Variants in KLC2 observed in about 807,000 individuals in gnomAD.
The protein encoded by KLC2 is KLC 2.
In KLC2, 35 loss-of-function variants were observed where a neutral mutation model predicts 75.1. The observed-to-expected ratio is 0.47, with a 90% CI of 0.36 to 0.62. The LOEUF (loss-of-function observed/expected upper bound fraction) is 0.62. KLC2 is among the 20% of genes least tolerant of loss of function. The pLI is 0.00. For synonymous variants in KLC2, 314 were observed against 336.7 expected (o/e 0.93, Z 0.74); for missense variants, 611 against 833.2 (o/e 0.73, Z 3.28).
rs1856187524 is a variant in KLC2 at position 66,258,768 on chromosome 11, C to T, written c.174C>T (p.Cys58=). The change falls in exon 2 of 16, where the codon TGC becomes TGT. Residue 58 remains cysteine, a synonymous_variant. Transcript: ENST00000394067. Reference sequence around the variant, plus strand: ...CCGAGCCTGGCTCGCAGGAGCGCTGCATCCTCCTGCGTCGCTCCCTGGAAG... The same window carrying T: ...CCGAGCCTGGCTCGCAGGAGCGCTGTATCCTCCTGCGTCGCTCCCTGGAAG... ...GEAEPGSQER[C]ILLRRSLEAI... 1 of 1,613,510 alleles carries T rather than the reference C, an allele frequency of 6.2e-7. No homozygotes were observed. Among genetic ancestry groups the T allele is most frequent in the African/African-American group, 1.3e-5 (1 of 75,066 alleles).
upstream of KLC2, among the ~76,000 whole-genome samples, chr11:66,252,552 C>T (rs866372927): frequency 1.3e-5 from 2 of 152,162 alleles, no homozygotes; most frequent in Non-Finnish European, 2.9e-5. Context: ...CGTGAGCCAC[C>T]GTGCCCAGCC....
the KLC2 span, chr11:66,244,621 G>C: frequency 6.6e-6 from 1 of 152,442 alleles, no homozygotes; most frequent in Non-Finnish European, 1.5e-5. Flanking sequence ...CTCTCCTCCA[G>C]CCCTTCCCAG....
Position 66,265,900 on chromosome 11 carries a change from A to G in KLC2, c.1490A>G (p.Asp497Gly). Residue 497 changes from aspartate to glycine, a missense_variant, in exon 13 of 16, where the codon GAT becomes GGT. Coordinates refer to ENST00000394067, the MANE Select transcript of KLC2 (RefSeq NM_001318734.2). ...SQTKVVELLK[D>G]GSGRRGDRRS... ...ACCAAGGTGGTAGAACTGCTGAAAGATGGCAGTGGCAGGCGGGGAGACCGC... is the reference window on the plus strand; with the variant it reads ...ACCAAGGTGGTAGAACTGCTGAAAGGTGGCAGTGGCAGGCGGGGAGACCGC... 6.3e-7 allele frequency: 1 copy of G among 1,581,700 alleles called. No individual in the cohort carries two copies. The highest frequency in any genetic ancestry group is 8.6e-7 in the Non-Finnish European group (1 of 1,161,040).
chr11:66,262,598 T>A (rs1390043404), intron 4 of KLC2: 1 of 588,072 alleles, frequency 1.7e-6, no homozygotes, highest in Non-Finnish European at 3.0e-6. Context: ...TTAGGCAGCT[T>A]GCCCCAGGAC....
At chr11:66,252,714 G>A (rs1271282892), upstream of KLC2, among the ~76,000 whole-genome samples, 1 of 152,212 alleles carries the variant, frequency 6.6e-6, no homozygotes, top group Non-Finnish European at 1.5e-5. Context: ...GAACTTAGCT[G>A]AGTCTGACCC....
intron 2 of KLC2, 127 bp downstream of exon 2, chr11:66,258,949 C>T: frequency 1.5e-6 from 1 of 656,134 alleles, no homozygotes; most frequent in Non-Finnish European, 2.6e-6. Flanking sequence ...ATGTTAGGAC[C>T]CCAGTAAATA....
At chr11:66,245,507 G>C in the KLC2 span, among the ~76,000 whole-genome samples, 1 of 152,168 alleles carries the variant, frequency 6.6e-6, no homozygotes, top group Non-Finnish European at 1.5e-5. Context: ...CATGAGGTCA[G>C]GAGATTAAGA....
chr11:66,244,478 A>AC, the KLC2 span: 2 of 151,658 alleles, frequency 1.3e-5, no homozygotes, highest in Non-Finnish European at 2.9e-5. Context: ...AGCCCTCTGC[A>AC]CCCCCCAGCC....
rs542962418 is a variant in KLC2, at chr11:66,262,684, G to A, written c.530-130G>A. The A allele has an allele frequency of 7.2e-5, 49 of 681,638 alleles. 1 individual carries two copies. In the South Asian group the frequency reaches 7.8e-4, roughly 11 times the overall value. 42.2% of individuals were successfully genotyped at this position (681,638 alleles called of 1,614,324 possible). A position where few individuals can be genotyped will look rare whatever the true frequency, so the allele number is the denominator to read the frequency against. ...TAACTAGACCCATTCTATAAATGGG[G>A]AAACTGAGAAAGAGTGGTTAGTGAC... On this transcript the variant is annotated intron_variant, in intron 4 of 15. Coordinates refer to ENST00000394067, the MANE Select transcript of KLC2 (RefSeq NM_001318734.2).
Position 66,267,748 on chromosome 11 carries a change from C to G in KLC2, c.*792C>G. 1 of 458,538 alleles carries G rather than the reference C, an allele frequency of 2.2e-6. No homozygotes were observed. Among genetic ancestry groups the G allele is most frequent in the East Asian group, 3.4e-5 (1 of 29,082 alleles). The allele number at this position is 458,538 out of a possible 1,614,324, so 28.4% of individuals were successfully genotyped here. On this transcript the variant is annotated 3_prime_UTR_variant, in exon 16 of 16. Coordinates refer to ENST00000394067, the MANE Select transcript of KLC2 (RefSeq NM_001318734.2). ...CTCCCCCCACGCCTGCAGCTTCTCG[C>G]GAGGGGCGGCGACGGTCCCCTGGTG...
intron 4 of KLC2, chr11:66,262,440 T>C: frequency 1.8e-6 from 1 of 570,286 alleles, no homozygotes; most frequent in Non-Finnish European, 3.1e-6. Flanking sequence ...CTAGCTTCCC[T>C]GACCCTTGGG....
In KLC2 at chr11:66,262,861, G is replaced by T; in HGVS notation, c.577G>T (p.Glu193Ter). The stretch of plus-strand genomic sequence containing the variant: ...TGTGTCTGGTCAGCATGGGGGCTAC[G>T]AGATCCCGGCCCGGCTCCGCACCCT... ...GDVSGQHGGY[E>*]IPARLRTLHN... The change falls in exon 5 of 16, where the codon GAG (glutamate) becomes TAG (stop). Residue 193 changes from glutamate (E) to a stop codon, truncating the protein, a stop_gained. Coordinates refer to ENST00000394067, the MANE Select transcript of KLC2 (RefSeq NM_001318734.2). LOFTEE classifies it high-confidence loss of function. 6.2e-7 allele frequency: 1 copy of T among 1,613,624 alleles called. No homozygotes were observed.
chr11:66,247,138 C>A, the KLC2 span, among the ~76,000 whole-genome samples: 1 of 152,186 alleles, frequency 6.6e-6, no homozygotes, highest in Admixed American at 6.5e-5. Flanking sequence ...TTCTCTTGTA[C>A]CCACCATCTA....
rs1489600233 is a variant in KLC2 at position 66,267,765 on chromosome 11, C to T, written c.*809C>T. ...GCTTCTCGCGAGGGGCGGCGACGGT[C>T]CCCTGGTGGCAGGAGGGGCTCCCCC... On this transcript the variant is annotated 3_prime_UTR_variant, in exon 16 of 16. Coordinates refer to ENST00000394067, the MANE Select transcript of KLC2 (RefSeq NM_001318734.2). The T allele has an allele frequency of 2.2e-5, 10 of 459,678 alleles. No individual in the cohort carries two copies. Among genetic ancestry groups the T allele is most frequent in the Non-Finnish European group, 1.1e-5 (3 of 262,398 alleles). 28.5% of individuals were successfully genotyped at this position (459,678 alleles called of 1,614,324 possible). A position where few individuals can be genotyped will look rare whatever the true frequency, so the allele number is the denominator to read the frequency against.
intron 4 of KLC2, 37 bp downstream of exon 4, chr11:66,262,229 G>C: frequency 6.4e-7 from 1 of 1,562,800 alleles, no homozygotes. Context: ...GGAAGGAAAG[G>C]TTGTGTGAAC....
intron 15 of KLC2, 139 bp from the exon 16 acceptor site, chr11:66,266,734 T>G (rs1355576057): frequency 1.1e-6 from 1 of 922,178 alleles, no homozygotes; most frequent in African/African-American, 1.6e-5. Flanking sequence ...CACCAGGGTG[T>G]GGCCTTGGGT....
the KLC2 span, chr11:66,244,872 A>G: frequency 1.3e-5 from 2 of 152,212 alleles, no homozygotes; most frequent in Admixed American, 1.3e-4. Context: ...CCATGTTCTC[A>G]ATCATGGAAA....
At chr11:66,245,846 C>T in the KLC2 span, among the ~76,000 whole-genome samples, 1 of 152,186 alleles carries the variant, frequency 6.6e-6, no homozygotes, top group African/African-American at 2.4e-5. Flanking sequence ...CGTGCCACCG[C>T]ACTCCAGCCT....
chr11:66,248,484 G>T, the KLC2 span, among the ~76,000 whole-genome samples: 1 of 152,200 alleles, frequency 6.6e-6, no homozygotes, highest in South Asian at 2.1e-4. Context: ...GCCAGGCGTG[G>T]TGGGCACCTG....
Sources: allele counts gnomAD v4.1 joint callset (sites outside exome capture counted in the v4.1 genomes callset), GRCh38; gene constraint gnomAD v4.1.1; transcripts MANE v1.5; gene names NCBI Gene and HGNC (gene_info 2026-07-23, HGNC 2026-07-21).